Variants in RFX7 observed in about 807,000 individuals in gnomAD.
RFX7 encodes DNA-binding protein RFX7.
A neutral mutation model predicts 111.8 loss-of-function variants in RFX7; 26 were observed. That is an observed-to-expected ratio of 0.23 (90% CI 0.17 to 0.32). The LOEUF is 0.32. RFX7 is among the 10% of genes least tolerant of loss of function. The pLI, the probability that RFX7 is intolerant of heterozygous loss-of-function variation, is 1.00. For synonymous variants in RFX7, 624 were observed against 624.4 expected (o/e 1.00, Z 0.01); for missense variants, 1,573 against 1,772.9 (o/e 0.89, Z 2.02).
rs16976821 is a variant in RFX7, at chr15:56,203,357, T to G, written c.162-24054A>C. ...GCTAATGTTCAGGTAAATTTAGGAA[T>G]TGCTGGGTTAAATAAAATGAGCCAG... is the stretch of plus-strand genomic sequence containing the variant. On this transcript the variant is annotated intron_variant, in intron 2 of 9. Coordinates refer to ENST00000559447, the MANE Select transcript of RFX7 (RefSeq NM_022841.7). Among the ~76,000 whole-genome samples the G allele has an allele frequency of 3.3e-5, 5 of 152,232 alleles. No homozygotes were observed. The East Asian group carries it at 7.7e-4, about 24-fold the overall frequency.
At chr15:56,158,834 C>T (rs143949616) in intron 3 of RFX7, among the ~76,000 whole-genome samples, 1 of 152,026 alleles carries the variant, frequency 6.6e-6, no homozygotes, top group African/African-American at 2.4e-5. Flanking sequence ...ACAAAACAAC[C>T]CACCCCCAAA....
chr15:56,211,911 G>A (rs1184050952), intron 2 of RFX7, among the ~76,000 whole-genome samples: 22 of 152,036 alleles, frequency 1.4e-4, no homozygotes, highest in Admixed American at 5.2e-4. Context: ...ACCAGAGCTC[G>A]CATTCACTGC....
intron 5 of RFX7, among the ~76,000 whole-genome samples, chr15:56,124,971 T>C (rs1383154362): frequency 6.6e-6 from 1 of 152,212 alleles, no homozygotes; most frequent in East Asian, 1.9e-4. Flanking sequence ...TTTCTTCTGC[T>C]AATTTTGTAG....
chr15:56,188,116 G>C (rs747587069), intron 2 of RFX7, among the ~76,000 whole-genome samples: 2 of 152,060 alleles, frequency 1.3e-5, no homozygotes, highest in African/African-American at 4.8e-5. Flanking sequence ...GCTGAAAAAT[G>C]GAAGTTATGA....
chr15:56,141,582 A>G (rs978957377), intron 5 of RFX7, among the ~76,000 whole-genome samples: 1 of 147,234 alleles, frequency 6.8e-6, no homozygotes, highest in Non-Finnish European at 1.5e-5. Flanking sequence ...CTGAATTCAA[A>G]TTTGCTTCTT....
chr15:56,107,029 A>T (rs1175966906), intron 5 of RFX7, among the ~76,000 whole-genome samples: 3 of 152,128 alleles, frequency 2.0e-5, no homozygotes, highest in Admixed American at 6.5e-5. Flanking sequence ...AAATGAAATA[A>T]TTTCACACCC....
At chr15:56,138,484 C>T (rs1309762057) in intron 5 of RFX7, among the ~76,000 whole-genome samples, 1 of 149,584 alleles carries the variant, frequency 6.7e-6, no homozygotes, top group African/African-American at 2.4e-5. Context: ...CTTCCTCCAT[C>T]CTTTTATTTT....
At chr15:56,209,978 A>C (rs1273157010) in intron 2 of RFX7, among the ~76,000 whole-genome samples, 1 of 152,108 alleles carries the variant, frequency 6.6e-6, no homozygotes. Flanking sequence ...TAATCCAACT[A>C]TATAAATAAT....
At chr15:56,232,224 T>A (rs1353657458) in intron 2 of RFX7, among the ~76,000 whole-genome samples, 1 of 152,200 alleles carries the variant, frequency 6.6e-6, no homozygotes, top group Non-Finnish European at 1.5e-5. Context: ...CACATTTCCA[T>A]TCCACACTGC....
intron 2 of RFX7, among the ~76,000 whole-genome samples, chr15:56,214,491 GGATCAC>G (rs1362158340): frequency 6.6e-6 from 1 of 151,908 alleles, no homozygotes; most frequent in Admixed American, 6.6e-5. Context: ...CGAGGTGGGC[GGATCAC>G]GAGGTCAGGA....
intron 2 of RFX7, 36 bp downstream of exon 2, chr15:56,243,089 G>T: frequency 7.4e-7 from 1 of 1,347,486 alleles, no homozygotes; most frequent in African/African-American, 1.5e-5. Context: ...AAATGTGCCT[G>T]GGCTTTTTCA....
Position 56,091,099 on chromosome 15 carries a change from C to T in RFX7, c.*2246G>A, listed in dbSNP as rs2041591037. On this transcript the variant is annotated 3_prime_UTR_variant, in exon 10 of 10. Coordinates refer to ENST00000559447, the MANE Select transcript of RFX7 (RefSeq NM_022841.7). ...CTGTACAAGATAAGTCAATAACACT[C>T]ATGCACATTTTGTGATCATGTATTA... 1 of 152,556 alleles carries T rather than the reference C, an allele frequency of 6.6e-6. No individual in the cohort carries two copies. The highest frequency in any genetic ancestry group is 2.4e-5 in the African/African-American group (1 of 41,438). The allele number at this position is 152,556 out of a possible 1,614,324, so 9.5% of individuals were successfully genotyped here.
intron 2 of RFX7, among the ~76,000 whole-genome samples, chr15:56,201,091 A>G (rs1281300225): frequency 6.6e-6 from 1 of 152,228 alleles, no homozygotes; most frequent in Non-Finnish European, 1.5e-5. Context: ...TAATGGGAAG[A>G]CTACGGACTA....
At chr15:56,133,328 T>C (rs1350876485) in intron 5 of RFX7, among the ~76,000 whole-genome samples, 1 of 152,094 alleles carries the variant, frequency 6.6e-6, no homozygotes, top group Non-Finnish European at 1.5e-5. Flanking sequence ...AGCCAGTCTT[T>C]ACTGTCTGAG....
At chr15:56,103,754 C>T (rs2041791510) in intron 5 of RFX7, 84 bp from the exon 6 acceptor site, 1 of 794,732 alleles carries the variant, frequency 1.3e-6, no homozygotes. Flanking sequence ...TTTGATCCTT[C>T]TGACAAAGTG....
chr15:56,221,048 T>C (rs1001851636), intron 2 of RFX7, among the ~76,000 whole-genome samples: 30 of 152,232 alleles, frequency 2.0e-4, no homozygotes, highest in African/African-American at 7.2e-4. Flanking sequence ...TTTGTTTCTG[T>C]GCTAGTACCA....
At chr15:56,203,332 G>A (rs2043213604) in intron 2 of RFX7, among the ~76,000 whole-genome samples, 2 of 152,110 alleles carry the variant, frequency 1.3e-5, no homozygotes, top group Admixed American at 1.3e-4. Context: ...AGAGAAAGTG[G>A]CTAATGTTCA....
At chr15:56,132,545 A>G (rs1318917049) in intron 5 of RFX7, among the ~76,000 whole-genome samples, 1 of 152,102 alleles carries the variant, frequency 6.6e-6, no homozygotes, top group Non-Finnish European at 1.5e-5. Flanking sequence ...AATAAATCAC[A>G]GATAGACTCA....
At position 56,087,319 on chromosome 15, in the gene RFX7, A is replaced by G; in HGVS notation, c.*6026T>C. ...GAAAGACATTTATTTCTCTCATGTA[A>G]AACACATCCAGAGGTAAGCAGTCAG... On this transcript the variant is annotated 3_prime_UTR_variant, in exon 10 of 10. Transcript: ENST00000559447. The G allele has an allele frequency of 9.9e-6, 4 of 402,252 alleles. No individual in the cohort carries two copies. The Admixed American group carries it at 1.2e-4, about 12-fold the overall frequency. 24.9% of individuals were successfully genotyped at this position (402,252 alleles called of 1,614,324 possible). A position where few individuals can be genotyped will look rare whatever the true frequency, so the allele number is the denominator to read the frequency against.
Sources: allele counts gnomAD v4.1 joint callset (sites outside exome capture counted in the v4.1 genomes callset), GRCh38; gene constraint gnomAD v4.1.1; transcripts MANE v1.5; gene names NCBI Gene and HGNC (gene_info 2026-07-23, HGNC 2026-07-21).